The following CDK19 variants were observed in gnomAD, a reference collection of about 807,000 sequenced individuals.
The protein encoded by CDK19 is cyclin-dependent kinase 19.
Under a neutral mutation model 68.3 loss-of-function variants are expected in CDK19, and 20 were observed. The ratio of observed to expected loss-of-function variants is 0.29; its 90% CI spans 0.21 to 0.43. The LOEUF (loss-of-function observed/expected upper bound fraction) is 0.43, where lower values mean the gene tolerates loss of function less well. CDK19 is among the 20% of genes least tolerant of loss of function. CDK19 has a pLI of 1.00. For synonymous variants in CDK19, 221 were observed against 222.8 expected (o/e 0.99, Z 0.07); for missense variants, 339 against 623.5 (o/e 0.54, Z 4.86).
rs768665213 is a variant in CDK19 at position 110,622,068 on chromosome 6, G to A, written c.1110+20C>T. On this transcript the variant is annotated intron_variant, in intron 11 of 12. Coordinates refer to ENST00000368911, the MANE Select transcript of CDK19 (RefSeq NM_015076.5). Reference sequence around the variant, plus strand: ...CCTCCCTTGCTCTTTGGAAGTGAAAGTATACCGTGCAGTTTATACCTTGTC... The same window carrying A: ...CCTCCCTTGCTCTTTGGAAGTGAAAATATACCGTGCAGTTTATACCTTGTC... 2.0e-6 allele frequency: 3 copies of A among 1,499,592 alleles called. No homozygotes were observed. The highest frequency in any genetic ancestry group is 9.2e-7 in the Non-Finnish European group (1 of 1,092,840). 92.9% of individuals were successfully genotyped at this position (1,499,592 alleles called of 1,614,324 possible). A position where few individuals can be genotyped will look rare whatever the true frequency, so the allele number is the denominator to read the frequency against.
intron 1 of CDK19, among the ~76,000 whole-genome samples, chr6:110,758,148 G>A (rs1348138515): frequency 2.0e-5 from 3 of 152,010 alleles, no homozygotes; most frequent in African/African-American, 4.8e-5. Context: ...TCATGTTTGC[G>A]CTACCACACT....
chr6:110,689,271 G>A (rs1772770942), intron 2 of CDK19, among the ~76,000 whole-genome samples: 2 of 152,114 alleles, frequency 1.3e-5, no homozygotes, highest in Admixed American at 1.3e-4. Flanking sequence ...GGGAATCAGA[G>A]CACAGACCTA....
At chr6:110,661,049 T>C (rs12200916) in intron 4 of CDK19, among the ~76,000 whole-genome samples, 5,192 of 152,290 alleles carry the variant, frequency 0.034, 124 homozygotes, top group Middle Eastern at 0.082. Context: ...ACTCCTCTCC[T>C]TGAGTGTGGA....
chr6:110,727,987 CA>C (rs34006206), intron 2 of CDK19, among the ~76,000 whole-genome samples: 129 of 142,218 alleles, frequency 9.1e-4, no homozygotes, highest in African/African-American at 1.6e-3. Flanking sequence ...GACCCTGTCT[CA>C]AAAAAAAAAA....
rs139671916 is a variant in CDK19 at position 110,648,911 on chromosome 6, G to C, written c.457-10205C>G. On this transcript the variant is annotated intron_variant, in intron 4 of 12. Coordinates refer to ENST00000368911, the MANE Select transcript of CDK19 (RefSeq NM_015076.5). ...TTTTTGTATTTTTAGTAGAGACGGG[G>C]TTTCACCATGTTGGTCAGGCTGGTC... Among the ~76,000 whole-genome samples, 978 of 151,990 alleles carry C rather than the reference G, an allele frequency of 6.4e-3. 4 individuals are homozygous for C. Among genetic ancestry groups the C allele is most frequent in the Non-Finnish European group, 0.01 (694 of 67,978 alleles).
At chr6:110,668,397 T>C (rs1782078705) in intron 3 of CDK19, among the ~76,000 whole-genome samples, 1 of 152,230 alleles carries the variant, frequency 6.6e-6, no homozygotes. Flanking sequence ...TTATACAGCT[T>C]TTTTATTTTT....
intron 6 of CDK19, among the ~76,000 whole-genome samples, chr6:110,630,063 G>T (rs1380971261): frequency 6.6e-6 from 1 of 152,118 alleles, no homozygotes; most frequent in East Asian, 1.9e-4. Flanking sequence ...TCATAAAATT[G>T]TGCTTCTCAA....
At position 110,610,095 on chromosome 6, in the gene CDK19, C is replaced by T. The variant is rs111427254; in HGVS notation, c.*4440G>A. 3.9e-5 allele frequency: 6 copies of T among 152,332 alleles called. No individual in the cohort carries two copies. The highest frequency in any genetic ancestry group is 1.4e-4 in the African/African-American group (6 of 41,584). The allele number at this position is 152,332 out of a possible 1,614,324, so 9.4% of individuals were successfully genotyped here. On this transcript the variant is annotated 3_prime_UTR_variant, in exon 13 of 13. Transcript: ENST00000368911. ...GGTCAACTCAAAAGCAGGAAACCCT[C>T]GCTCCAAAGCAGTAGCTCGTCCTGC...
At chr6:110,788,021 G>A (rs1291041320) in intron 1 of CDK19, among the ~76,000 whole-genome samples, 1 of 152,102 alleles carries the variant, frequency 6.6e-6, no homozygotes, top group Non-Finnish European at 1.5e-5. Flanking sequence ...TGTATTTTTA[G>A]TAGAGACAGG....
At chr6:110,706,404 G>GTTTTTTTGT (rs1774482423) in intron 2 of CDK19, 2 of 71,064 alleles carry the variant, frequency 2.8e-5, no homozygotes, top group Non-Finnish European at 5.2e-5. Context: ...TAACACTGTT[G>GTTTTTTTGT]TTTTTTTTTT....
chr6:110,732,372 G>A (rs955123535), intron 2 of CDK19, among the ~76,000 whole-genome samples: 2 of 152,102 alleles, frequency 1.3e-5, no homozygotes, highest in Non-Finnish European at 2.9e-5. Flanking sequence ...GTATGGTGGT[G>A]CATGCCTGTA....
intron 2 of CDK19, among the ~76,000 whole-genome samples, chr6:110,745,814 AAAAATTAGCCAGGTGTGGTGGCAC>A (rs1227219202): frequency 5.3e-5 from 8 of 152,106 alleles, no homozygotes. Flanking sequence ...AAAAAAATTA[AAAAATTAGCCAGGTGTGGTGGCAC>A]ATGCCTGTAA....
chr6:110,814,958 C>T, intron 1 of CDK19, 51 bp downstream of exon 1: 1 of 1,593,758 alleles, frequency 6.3e-7, no homozygotes, highest in South Asian at 1.1e-5. Context: ...CGCCAGGTCG[C>T]GGGCAGGGCG....
intron 1 of CDK19, among the ~76,000 whole-genome samples, chr6:110,779,727 G>T (rs754207794): frequency 7.9e-5 from 12 of 151,900 alleles, no homozygotes; most frequent in Non-Finnish European, 1.6e-4. Flanking sequence ...GCCAGCCTGG[G>T]CAAAACAGTA....
At chr6:110,807,161 A>T (rs1782736008) in intron 1 of CDK19, among the ~76,000 whole-genome samples, 1 of 150,766 alleles carries the variant, frequency 6.6e-6, no homozygotes, top group Admixed American at 6.6e-5. Context: ...AAAAAAAAAA[A>T]GCTGGGCATG....
intron 1 of CDK19, among the ~76,000 whole-genome samples, chr6:110,758,772 C>T (rs917964669): frequency 6.6e-6 from 1 of 152,066 alleles, no homozygotes; most frequent in Non-Finnish European, 1.5e-5. Context: ...AAAGCAAGTA[C>T]CTCCTTCTGG....
chr6:110,804,685 G>A (rs1489704047), intron 1 of CDK19, among the ~76,000 whole-genome samples: 1 of 150,056 alleles, frequency 6.7e-6, no homozygotes, highest in Non-Finnish European at 1.5e-5. Flanking sequence ...GCCGGGCGCG[G>A]TGGCTCACAC....
intron 1 of CDK19, among the ~76,000 whole-genome samples, chr6:110,779,679 G>C: frequency 6.6e-6 from 1 of 152,228 alleles, no homozygotes; most frequent in East Asian, 1.9e-4. Flanking sequence ...ACTTTGGAAG[G>C]CTGAGGCAAG....
intron 1 of CDK19, among the ~76,000 whole-genome samples, chr6:110,797,142 T>A (rs1047600736): frequency 4.0e-5 from 6 of 151,010 alleles, no homozygotes; most frequent in African/African-American, 7.3e-5. Context: ...GAGTTCAAGA[T>A]CAGCCTGGCC....
Sources: allele counts gnomAD v4.1 joint callset (sites outside exome capture counted in the v4.1 genomes callset), GRCh38; gene constraint gnomAD v4.1.1; transcripts MANE v1.5; gene names NCBI Gene and HGNC (gene_info 2026-07-23, HGNC 2026-07-21).